Variants in GLIS1 observed in about 807,000 individuals in gnomAD.
GLIS1 encodes zinc finger protein GLIS1.
In GLIS1, 24 loss-of-function variants were observed where a neutral mutation model predicts 63.8. The ratio of observed to expected loss-of-function variants is 0.38; its 90% confidence interval spans 0.27 to 0.53. GLIS1 has a LOEUF of 0.53. Ranked by LOEUF, GLIS1 falls within the 20% of genes least tolerant of loss-of-function variation. The pLI, the probability that GLIS1 is intolerant of heterozygous loss-of-function variation, is 0.85. For synonymous variants in GLIS1, 450 were observed against 482.5 expected, an observed-to-expected ratio of 0.93 and a Z score of 0.88; for missense variants, 1,036 against 1,074.1, an observed-to-expected ratio of 0.96 and a Z score of 0.50.
chr1:53,629,265 T>C (rs556338901), intron 2 of GLIS1, among the ~76,000 whole-genome samples: 3 of 152,188 alleles, frequency 2.0e-5, no homozygotes, highest in East Asian at 3.9e-4. Context: ...CTCCTACCCA[T>C]CCCTCAAGGC....
chr1:53,543,417 G>A (rs1644664490), intron 4 of GLIS1, among the ~76,000 whole-genome samples: 1 of 152,208 alleles, frequency 6.6e-6, no homozygotes, highest in African/African-American at 2.4e-5. Context: ...GGAGACAGAG[G>A]CTCCCAGAGG....
chr1:53,653,455 G>C (rs1304734192), intron 2 of GLIS1, among the ~76,000 whole-genome samples: 1 of 152,062 alleles, frequency 6.6e-6, no homozygotes, highest in Non-Finnish European at 1.5e-5. Flanking sequence ...TCCACTCGCT[G>C]TCTATTTCTC....
chr1:53,528,726 G>T (rs1328353064), intron 5 of GLIS1, among the ~76,000 whole-genome samples: 1 of 152,140 alleles, frequency 6.6e-6, no homozygotes, highest in African/African-American at 2.4e-5. Context: ...ACCCTGGAGG[G>T]GTCAGCTGCC....
Position 53,506,528 on chromosome 1 carries a change from CT to C in GLIS1, c.*90del. On this transcript the variant is annotated 3_prime_UTR_variant, in exon 11 of 11. Coordinates refer to ENST00000628545, the MANE Select transcript of GLIS1 (RefSeq NM_001367484.1). ...TGGCTGTTCCGGCTGTGGCCTGGCA[CT>C]CCTGCTAGGTGCACGGAGGGTGGGA... The C allele has an allele frequency of 7.3e-7, 1 of 1,376,724 alleles. No individual in the cohort carries two copies. Among genetic ancestry groups the C allele is most frequent in the Non-Finnish European group, 1.0e-6 (1 of 986,558 alleles). The allele number at this position is 1,376,724 out of a possible 1,614,324, so 85.3% of individuals were successfully genotyped here.
chr1:53,595,492 G>A (rs1645246223), intron 3 of GLIS1, among the ~76,000 whole-genome samples: 1 of 152,100 alleles, frequency 6.6e-6, no homozygotes, highest in African/African-American at 2.4e-5. Context: ...GCACTCCAGG[G>A]TGAATGTGGT....
intron 4 of GLIS1, among the ~76,000 whole-genome samples, chr1:53,569,680 T>C (rs1245289068): frequency 2.0e-5 from 3 of 151,958 alleles, no homozygotes; most frequent in Non-Finnish European, 4.4e-5. Context: ...TCTATGAAAG[T>C]CTATATAGAA....
At chr1:53,564,109 C>T (rs980273062) in intron 4 of GLIS1, among the ~76,000 whole-genome samples, 9 of 152,128 alleles carry the variant, frequency 5.9e-5, no homozygotes, top group African/African-American at 1.9e-4. Flanking sequence ...TAGAGCTAAA[C>T]GCACACTGTT....
At chr1:53,731,898 A>G (rs781273789) in intron 2 of GLIS1, among the ~76,000 whole-genome samples, 1 of 152,180 alleles carries the variant, frequency 6.6e-6, no homozygotes, top group Non-Finnish European at 1.5e-5. Context: ...TCAGTGTGGA[A>G]TCCTGGAGTA....
chr1:53,549,437 C>T (rs565706583), intron 4 of GLIS1, among the ~76,000 whole-genome samples: 1 of 152,200 alleles, frequency 6.6e-6, no homozygotes, highest in East Asian at 1.9e-4. Flanking sequence ...TGTCAACACT[C>T]GTTATTGGCA....
At chr1:53,549,075 T>C (rs1370107316) in intron 4 of GLIS1, among the ~76,000 whole-genome samples, 1 of 152,250 alleles carries the variant, frequency 6.6e-6, no homozygotes, top group African/African-American at 2.4e-5. Context: ...ACTAGCGTCA[T>C]GTTTTCAAGG....
At chr1:53,711,400 AC>A (rs1646645160) in intron 2 of GLIS1, among the ~76,000 whole-genome samples, 3 of 152,226 alleles carry the variant, frequency 2.0e-5, no homozygotes, top group Admixed American at 2.0e-4. Flanking sequence ...TCAATTAAAA[AC>A]AAAAGAAAAA....
chr1:53,572,830 C>T (rs2100469881), intron 4 of GLIS1, among the ~76,000 whole-genome samples: 1 of 152,294 alleles, frequency 6.6e-6, no homozygotes, highest in East Asian at 1.9e-4. Flanking sequence ...GGGTCAGTGG[C>T]CCCAAGGCCT....
At chr1:53,568,874 T>C (rs1180276779) in intron 4 of GLIS1, among the ~76,000 whole-genome samples, 7 of 152,196 alleles carry the variant, frequency 4.6e-5, no homozygotes, top group Admixed American at 1.3e-4. Context: ...AATTACCCAG[T>C]CTCAGGTAGT....
Position 53,594,090 on chromosome 1 carries a change from C to T in GLIS1, c.1320+18G>A, listed in dbSNP as rs200301349. On this transcript the variant is annotated intron_variant, in intron 4 of 10. Coordinates refer to ENST00000628545, the MANE Select transcript of GLIS1 (RefSeq NM_001367484.1). Reference sequence around the variant, plus strand: ...CCAGAGGGGCTGGGGTGAGGCCTGGCGGCCGGTGGGAACTCACCATGCACT... The same window carrying T: ...CCAGAGGGGCTGGGGTGAGGCCTGGTGGCCGGTGGGAACTCACCATGCACT... 9.5e-6 allele frequency: 15 copies of T among 1,584,834 alleles called. No homozygotes were observed. Among genetic ancestry groups the T allele is most frequent in the Admixed American group, 1.7e-5 (1 of 58,552 alleles).
chr1:53,599,826 C>T (rs184307191), intron 3 of GLIS1, among the ~76,000 whole-genome samples: 1 of 152,356 alleles, frequency 6.6e-6, no homozygotes, highest in Non-Finnish European at 1.5e-5. Context: ...CCCCAACCTA[C>T]CCATGAATCT....
chr1:53,599,023 T>C (rs534359827), intron 3 of GLIS1, among the ~76,000 whole-genome samples: 2 of 152,262 alleles, frequency 1.3e-5, no homozygotes, highest in South Asian at 2.1e-4. Flanking sequence ...AACCGGCAAC[T>C]GGGCAAATGT....
intron 4 of GLIS1, among the ~76,000 whole-genome samples, chr1:53,584,778 T>C (rs1210957074): frequency 2.6e-5 from 4 of 152,168 alleles, no homozygotes; most frequent in African/African-American, 9.7e-5. Flanking sequence ...CCATCCCCCA[T>C]TTAACAGACG....
chr1:53,619,563 AG>A (rs1224551796), intron 2 of GLIS1, among the ~76,000 whole-genome samples: 2 of 152,350 alleles, frequency 1.3e-5, no homozygotes, highest in East Asian at 3.9e-4. Context: ...AACCAAGGCC[AG>A]GATGTTGAAA....
intron 2 of GLIS1, among the ~76,000 whole-genome samples, chr1:53,711,782 C>A (rs1005321624): frequency 2.0e-5 from 3 of 152,232 alleles, no homozygotes; most frequent in Non-Finnish European, 4.4e-5. Flanking sequence ...CAAAAGAGCA[C>A]TAGCTGTGGC....
Sources: gnomAD v4.1 joint callset for allele counts (sites outside exome capture counted in the v4.1 genomes callset) on GRCh38, gnomAD v4.1.1 for gene constraint, MANE v1.5 for transcripts, NCBI Gene and HGNC (gene_info 2026-07-23, HGNC 2026-07-21) for gene names.